Variants in ADAM22 observed in about 807,000 individuals in gnomAD.
ADAM22 encodes the protein disintegrin and metalloproteinase domain-containing protein 22.
A neutral mutation model predicts 144.6 loss-of-function variants in ADAM22; 65 were observed. The ratio of observed to expected loss-of-function variants is 0.45; its 90% CI spans 0.37 to 0.55. The LOEUF (loss-of-function observed/expected upper bound fraction) is 0.55, where lower values mean the gene tolerates loss of function less well. Among genes scored for constraint, ADAM22 ranks in the 20% least tolerant of loss-of-function variants. The probability of loss-of-function intolerance (pLI) is 0.00; values close to 1 mark genes in which losing one functional copy is unlikely to be tolerated. For synonymous variants in ADAM22, 391 were observed against 412.6 expected, an observed-to-expected ratio of 0.95 and a Z score of 0.63; for missense variants, 974 against 1,184.9, an observed-to-expected ratio of 0.82 and a Z score of 2.61.
chr7:88,201,468 A>T lies in ADAM22; in HGVS notation c.*4977A>T, dbSNP rs1851197681. On this transcript the variant is annotated 3_prime_UTR_variant, in exon 32 of 32. Coordinates refer to ENST00000413139, the MANE Select transcript of ADAM22 (RefSeq NM_001324418.2). The stretch of plus-strand genomic sequence containing the variant: ...GGAAGATTCCTGAGGCCAGATATGC[A>T]GGAGAGCACACATTGTCACAAGGGG... The T allele has an allele frequency of 6.6e-6, 1 of 152,328 alleles. No individual in the cohort carries two copies. Among genetic ancestry groups the T allele is most frequent in the African/African-American group, 2.4e-5 (1 of 41,466 alleles). 9.4% of individuals were successfully genotyped at this position (152,328 alleles called of 1,614,324 possible). A position where few individuals can be genotyped will look rare whatever the true frequency, so the allele number is the denominator to read the frequency against.
intron 29 of ADAM22, among the ~76,000 whole-genome samples, chr7:88,184,025 T>C (rs1022591150): frequency 1.3e-5 from 2 of 152,104 alleles, no homozygotes. Flanking sequence ...CAGACAAATA[T>C]ATCTTTTATT....
intron 2 of ADAM22, among the ~76,000 whole-genome samples, chr7:87,975,018 A>G (rs967637935): frequency 3.1e-4 from 47 of 152,206 alleles, no homozygotes; most frequent in African/African-American, 1.1e-3. Context: ...CCCCAAGTCA[A>G]GGTCCTTAAC....
intron 3 of ADAM22, among the ~76,000 whole-genome samples, chr7:88,043,391 A>C (rs528528526): frequency 3.6e-4 from 55 of 151,880 alleles, no homozygotes; most frequent in African/African-American, 1.3e-3. Flanking sequence ...AGGCTGAGGC[A>C]GGAGAATGGT....
At chr7:87,980,605 A>G (rs968771634) in intron 3 of ADAM22, among the ~76,000 whole-genome samples, 1 of 152,042 alleles carries the variant, frequency 6.6e-6, no homozygotes, top group Non-Finnish European at 1.5e-5. Context: ...CCAATAATAC[A>G]TATTTTTTGA....
chr7:88,092,228 G>A (rs1820052073), intron 4 of ADAM22, among the ~76,000 whole-genome samples: 1 of 152,084 alleles, frequency 6.6e-6, no homozygotes, highest in African/African-American at 2.4e-5. Context: ...ATCCTGCCAA[G>A]AGACTAGAAG....
At chr7:88,125,330 T>C (rs1173850750) in intron 7 of ADAM22, among the ~76,000 whole-genome samples, 4 of 152,010 alleles carry the variant, frequency 2.6e-5, no homozygotes, top group Non-Finnish European at 4.4e-5. Context: ...AATAAAGTAA[T>C]GATATTTATA....
chr7:88,108,146 A>G (rs376881460), intron 4 of ADAM22, 30 bp from the exon 5 acceptor site: 41 of 1,590,804 alleles, frequency 2.6e-5, no homozygotes, highest in Non-Finnish European at 3.4e-5. Context: ...TTGTGATGCA[A>G]AGACTTACAT....
At position 87,985,790 on chromosome 7, in the gene ADAM22, C is replaced by T. The variant is rs929057928; in HGVS notation, c.323+7378C>T. Among the ~76,000 whole-genome samples, 6 of 152,038 alleles carry T rather than the reference C, an allele frequency of 3.9e-5. No individual in the cohort carries two copies. In the East Asian group the frequency reaches 5.8e-4, roughly 15 times the overall value. On this transcript the variant is annotated intron_variant, in intron 3 of 31. Transcript: ENST00000413139. ...GAACAATCTGTCTGTGTAGTCTTTGCGTGCCTATATGTTTTCATTTCTCTT... is the reference window on the plus strand; with the variant it reads ...GAACAATCTGTCTGTGTAGTCTTTGTGTGCCTATATGTTTTCATTTCTCTT...
At chr7:87,995,655 A>T (rs919263531) in intron 3 of ADAM22, among the ~76,000 whole-genome samples, 1 of 152,152 alleles carries the variant, frequency 6.6e-6, no homozygotes, top group Non-Finnish European at 1.5e-5. Flanking sequence ...TGACCTAAAA[A>T]ACTGTGCTTT....
intron 3 of ADAM22, among the ~76,000 whole-genome samples, chr7:88,034,574 A>G (rs1801054872): frequency 6.6e-6 from 1 of 152,144 alleles, no homozygotes; most frequent in Non-Finnish European, 1.5e-5. Flanking sequence ...AGTGCCCCCA[A>G]GTCCCCTAAG....
chr7:88,132,526 G>C (rs1586025897), intron 11 of ADAM22: 2 of 201,260 alleles, frequency 9.9e-6, no homozygotes, highest in East Asian at 2.7e-4. Context: ...TTTATTGACT[G>C]TTCCTCATTA....
chr7:88,130,540 T>C lies in ADAM22; in HGVS notation c.825+81T>C, dbSNP rs574788627. 1.5e-5 allele frequency: 21 copies of C among 1,391,592 alleles called. No individual in the cohort carries two copies. The African/African-American group carries it at 2.0e-4, about 13-fold the overall frequency. The allele number at this position is 1,391,592 out of a possible 1,614,324, so 86.2% of individuals were successfully genotyped here. ...AATAGAATGGATAATATGATTCTTA[T>C]AGTTTTACTGCTCTATGTTGCACTT... On this transcript the variant is annotated intron_variant, in intron 10 of 31. Coordinates refer to ENST00000413139, the MANE Select transcript of ADAM22 (RefSeq NM_001324418.2).
chr7:88,079,990 A>G (rs1307735294), intron 4 of ADAM22, among the ~76,000 whole-genome samples: 2 of 152,228 alleles, frequency 1.3e-5, no homozygotes, highest in Non-Finnish European at 2.9e-5. Context: ...CTCTGCACCA[A>G]GCAGACCTAA....
intron 3 of ADAM22, among the ~76,000 whole-genome samples, chr7:88,006,005 A>G (rs1793752475): frequency 6.6e-6 from 1 of 152,200 alleles, no homozygotes; most frequent in African/African-American, 2.4e-5. Context: ...GTGGCTGCAT[A>G]CTTTCTAATC....
chr7:88,165,962 G>A lies in ADAM22; in HGVS notation c.2191+16G>A, dbSNP rs761145019. On this transcript the variant is annotated intron_variant, in intron 24 of 31. Transcript: ENST00000413139. ...TCTGGCAATGGTAAGTACTTAATTT[G>A]GTAACATTATGTAGTCTTTATACAC... 28 of 1,574,280 alleles carry A rather than the reference G, an allele frequency of 1.8e-5. No homozygotes were observed. In the South Asian group the frequency reaches 2.8e-4, roughly 16 times the overall value.
rs148783511 is a variant in ADAM22, at chr7:88,057,803, AG to A, written c.324-17822del. ...CTAATGGAATAGACTGAAATGTGAGAGAGTGGAAAGGTCACCTTTTAAGGAC... is the reference window on the plus strand; with the variant it reads ...CTAATGGAATAGACTGAAATGTGAGAAGTGGAAAGGTCACCTTTTAAGGAC... On this transcript the variant is annotated intron_variant, in intron 3 of 31. Coordinates refer to ENST00000413139, the MANE Select transcript of ADAM22 (RefSeq NM_001324418.2). 3.6e-3 allele frequency among the ~76,000 whole-genome samples: 543 copies of A among 152,304 alleles called. 5 individuals are homozygous for A. Among genetic ancestry groups the A allele is most frequent in the African/African-American group, 0.012 (518 of 41,572 alleles).
At chr7:88,093,232 A>G (rs1820404860) in intron 4 of ADAM22, among the ~76,000 whole-genome samples, 2 of 152,132 alleles carry the variant, frequency 1.3e-5, no homozygotes, top group African/African-American at 4.8e-5. Flanking sequence ...AGTAATTATA[A>G]TTGAACAGAA....
At chr7:88,176,679 G>T (rs1160098167) in intron 26 of ADAM22, among the ~76,000 whole-genome samples, 2 of 152,190 alleles carry the variant, frequency 1.3e-5, no homozygotes, top group African/African-American at 4.8e-5. Flanking sequence ...AAGAGAAGGC[G>T]ATTTGTGGGA....
intron 3 of ADAM22, among the ~76,000 whole-genome samples, chr7:88,022,606 G>A (rs768756201): frequency 2.0e-5 from 3 of 152,108 alleles, no homozygotes; most frequent in Non-Finnish European, 4.4e-5. Context: ...GAAATTTTAT[G>A]ATCTGTTTTG....
Sources: allele counts gnomAD v4.1 joint callset (sites outside exome capture counted in the v4.1 genomes callset), GRCh38; gene constraint gnomAD v4.1.1; transcripts MANE v1.5; gene names NCBI Gene and HGNC (gene_info 2026-07-23, HGNC 2026-07-21).